GRID1: variants seen among roughly 807,000 people sequenced by gnomAD.
GRID1 encodes the protein glutamate receptor ionotropic, delta-1.
GRID1 carries 28 observed loss-of-function variants against 98.0 expected under a neutral mutation model. The observed-to-expected ratio is 0.29, with a 90% CI of 0.21 to 0.39. The LOEUF (loss-of-function observed/expected upper bound fraction) is 0.39, where lower values mean the gene tolerates loss of function less well. Among genes scored for constraint, GRID1 ranks in the 10% least tolerant of loss-of-function variants. The pLI, the probability that GRID1 is intolerant of heterozygous loss-of-function variation, is 1.00. For missense variants in GRID1, 1,111 were observed against 1,340.5 expected, an observed-to-expected ratio of 0.83 and a Z score of 2.67; for synonymous variants, 553 against 538.5, an observed-to-expected ratio of 1.03 and a Z score of -0.37.
intron 4 of GRID1, among the ~76,000 whole-genome samples, chr10:85,932,405 G>A (rs1450234817): frequency 1.3e-5 from 2 of 152,060 alleles, no homozygotes; most frequent in Admixed American, 6.6e-5. Context: ...TTGTAAAGAT[G>A]GAGTCTCATT....
chr10:85,678,025 TC>T (rs1159083284), intron 12 of GRID1, among the ~76,000 whole-genome samples: 1 of 152,152 alleles, frequency 6.6e-6, no homozygotes, highest in Admixed American at 6.5e-5. Flanking sequence ...TGTATCTCAT[TC>T]TTTAGTGACT....
intron 2 of GRID1, among the ~76,000 whole-genome samples, chr10:86,239,968 G>T (rs1846601468): frequency 6.6e-6 from 1 of 152,156 alleles, no homozygotes. Flanking sequence ...CTCATAAGAA[G>T]AGGAGATGAG....
In GRID1 at chr10:85,816,955, G is replaced by A. The variant is rs543525422; in HGVS notation, c.1233+37541C>T. ...TCCCACTTATAACTGAGAACATGCAGCATTTGATATTCTATTTCTGTGTTA... is the reference window on the plus strand; with the variant it reads ...TCCCACTTATAACTGAGAACATGCAACATTTGATATTCTATTTCTGTGTTA... On this transcript the variant is annotated intron_variant, in intron 8 of 15. Transcript: ENST00000327946. Among the ~76,000 whole-genome samples the A allele has an allele frequency of 1.0e-3, 152 of 152,274 alleles. 2 individuals are homozygous for A. In the Middle Eastern group the frequency reaches 0.01, roughly 10 times the overall value.
At chr10:86,049,447 G>A (rs770118702) in intron 4 of GRID1, among the ~76,000 whole-genome samples, 5 of 152,142 alleles carry the variant, frequency 3.3e-5, no homozygotes, top group Non-Finnish European at 4.4e-5. Context: ...GTGGAGATGC[G>A]GCTACTATAT....
At chr10:86,345,367 G>A (rs1188106071) in intron 2 of GRID1, among the ~76,000 whole-genome samples, 3 of 152,210 alleles carry the variant, frequency 2.0e-5, no homozygotes, top group African/African-American at 7.2e-5. Flanking sequence ...CCTACCACCA[G>A]GCCTTGGGCA....
intron 2 of GRID1, among the ~76,000 whole-genome samples, chr10:86,361,989 C>T (rs535415932): frequency 2.6e-5 from 4 of 152,222 alleles, no homozygotes; most frequent in South Asian, 2.1e-4. Flanking sequence ...TGGGAGCGGA[C>T]GGGCATCATT....
intron 2 of GRID1, among the ~76,000 whole-genome samples, chr10:86,282,542 A>G (rs1010141805): frequency 2.0e-5 from 3 of 152,172 alleles, no homozygotes; most frequent in African/African-American, 7.2e-5. Flanking sequence ...TCATCAGCCC[A>G]GGAAAAAAAG....
At chr10:85,880,176 C>A (rs565120633) in intron 5 of GRID1, among the ~76,000 whole-genome samples, 1 of 152,244 alleles carries the variant, frequency 6.6e-6, no homozygotes, top group African/African-American at 2.4e-5. Flanking sequence ...GATTCACAGC[C>A]GAATTCCACC....
chr10:85,694,999 G>A (rs1195609804), intron 12 of GRID1, among the ~76,000 whole-genome samples: 2 of 151,718 alleles, frequency 1.3e-5, no homozygotes, highest in Non-Finnish European at 2.9e-5. Flanking sequence ...GTGGAGGGAA[G>A]AGAAGATGAA....
intron 4 of GRID1, among the ~76,000 whole-genome samples, chr10:86,024,202 C>T (rs1283083866): frequency 6.6e-6 from 1 of 152,208 alleles, no homozygotes; most frequent in Non-Finnish European, 1.5e-5. Flanking sequence ...ACAGCCAGAC[C>T]TGGTTAGCAT....
chr10:85,830,022 C>A (rs1273846715), intron 8 of GRID1, among the ~76,000 whole-genome samples: 1 of 152,104 alleles, frequency 6.6e-6, no homozygotes, highest in Non-Finnish European at 1.5e-5. Context: ...GCAAAAAGAA[C>A]AAAGCTGGAG....
intron 1 of GRID1, among the ~76,000 whole-genome samples, chr10:86,364,306 C>T (rs1470747932): frequency 6.6e-6 from 1 of 152,220 alleles, no homozygotes; most frequent in African/African-American, 2.4e-5. Context: ...TCAGCGCACA[C>T]GTGCACACAG....
At chr10:86,357,227 AG>A (rs1311767582) in intron 2 of GRID1, among the ~76,000 whole-genome samples, 1 of 152,168 alleles carries the variant, frequency 6.6e-6, no homozygotes. Flanking sequence ...CCAGGCTGGG[AG>A]GGAGGGCTCA....
At chr10:85,859,689 A>G (rs61440304) in intron 6 of GRID1, among the ~76,000 whole-genome samples, 38,355 of 151,958 alleles carry the variant, frequency 0.25, 4,951 homozygotes, top group African/African-American at 0.29. Context: ...CTGGTAAGAT[A>G]TTGTCTCTCC....
At chr10:85,836,172 C>T (rs1041484079) in intron 8 of GRID1, among the ~76,000 whole-genome samples, 2 of 151,316 alleles carry the variant, frequency 1.3e-5, no homozygotes, top group African/African-American at 4.9e-5. Context: ...AAGATGAGAG[C>T]AGAAATTAAT....
chr10:86,203,515 C>T (rs779391667), intron 3 of GRID1, among the ~76,000 whole-genome samples: 5 of 95,574 alleles, frequency 5.2e-5, no homozygotes, highest in South Asian at 3.0e-4. Flanking sequence ...AAAGCCAGGA[C>T]GAGCACTGGG....
At chr10:86,083,599 C>T (rs554322218) in intron 4 of GRID1, among the ~76,000 whole-genome samples, 1 of 152,314 alleles carries the variant, frequency 6.6e-6, no homozygotes, top group East Asian at 1.9e-4. Flanking sequence ...TAGTAAAAGT[C>T]CATCCTATCT....
At chr10:86,290,677 A>G (rs1847499468) in intron 2 of GRID1, among the ~76,000 whole-genome samples, 1 of 151,742 alleles carries the variant, frequency 6.6e-6, no homozygotes, top group Non-Finnish European at 1.5e-5. Flanking sequence ...ATAAAATAAA[A>G]TAAAATAAAA....
chr10:85,620,144 C>T, intron 13 of GRID1, 111 bp from the exon 14 acceptor site: 3 of 828,930 alleles, frequency 3.6e-6, no homozygotes, highest in Non-Finnish European at 5.9e-6. Flanking sequence ...CAATGGTCTT[C>T]CTACCCACCA....
Sources: allele counts gnomAD v4.1 joint callset (sites outside exome capture counted in the v4.1 genomes callset), GRCh38; gene constraint gnomAD v4.1.1; transcripts MANE v1.5; gene names NCBI Gene and HGNC (gene_info 2026-07-23, HGNC 2026-07-21).